DAB1: variants seen among roughly 807,000 people sequenced by gnomAD.
DAB1 encodes the protein DAB adaptor protein 1.
In DAB1, 15 loss-of-function variants were observed where a neutral mutation model predicts 64.6. The ratio of observed to expected loss-of-function variants is 0.23; its 90% CI spans 0.16 to 0.36. The LOEUF (loss-of-function observed/expected upper bound fraction) is 0.36. Ranked by LOEUF, DAB1 falls within the 10% of genes least tolerant of loss-of-function variation. The pLI is 1.00. For synonymous variants in DAB1, 235 were observed against 251.9 expected (o/e 0.93, Z 0.64); for missense variants, 596 against 706.7 (o/e 0.84, Z 1.78).
At chr1:57,703,007 C>A (rs184395393) in intron 6 of DAB1, among the ~76,000 whole-genome samples, 57 of 152,232 alleles carry the variant, frequency 3.7e-4, no homozygotes, top group African/African-American at 1.3e-3. Context: ...TGAAACTGGA[C>A]CTCTTCCTTA....
intron 4 of DAB1, among the ~76,000 whole-genome samples, chr1:58,206,971 T>A (rs1658313245): frequency 6.6e-6 from 1 of 152,150 alleles, no homozygotes; most frequent in Non-Finnish European, 1.5e-5. Context: ...ACACTTCTGC[T>A]CTCTCAGCAC....
At chr1:57,742,638 A>C (rs1648058220) in intron 6 of DAB1, among the ~76,000 whole-genome samples, 1 of 152,186 alleles carries the variant, frequency 6.6e-6, no homozygotes, top group South Asian at 2.1e-4. Context: ...CTCCTCCCCT[A>C]GCACAGACAA....
chr1:58,056,536 A>T, intron 5 of DAB1: 2 of 951,090 alleles, frequency 2.1e-6, no homozygotes, highest in Non-Finnish European at 3.4e-6. Flanking sequence ...GGGTTATGTC[A>T]CCTTGCTCAT....
At chr1:57,494,525 C>G (rs893411119) in intron 7 of DAB1, among the ~76,000 whole-genome samples, 4 of 152,220 alleles carry the variant, frequency 2.6e-5, no homozygotes, top group Non-Finnish European at 1.5e-5. Context: ...AACTGAGAAT[C>G]CCATTTGTGT....
chr1:57,661,039 T>C (rs1032334874), intron 6 of DAB1, among the ~76,000 whole-genome samples: 1 of 151,914 alleles, frequency 6.6e-6, no homozygotes, highest in African/African-American at 2.4e-5. Flanking sequence ...AGTAAAGAAA[T>C]AGAAAACAAT....
chr1:57,284,492 G>T (rs1372294295), intron 2 of DAB1, among the ~76,000 whole-genome samples: 1 of 152,158 alleles, frequency 6.6e-6, no homozygotes. Context: ...CCATTTGGTG[G>T]CTGAGAAAAG....
chr1:57,897,552 T>C (rs1193632937), intron 5 of DAB1, among the ~76,000 whole-genome samples: 2 of 152,188 alleles, frequency 1.3e-5, no homozygotes, highest in African/African-American at 4.8e-5. Context: ...GGAGACCTCA[T>C]ATATTTTAAG....
intron 7 of DAB1, among the ~76,000 whole-genome samples, chr1:57,618,119 C>G (rs1290978494): frequency 1.3e-5 from 2 of 152,056 alleles, no homozygotes; most frequent in Non-Finnish European, 2.9e-5. Context: ...GAATATCATA[C>G]TAAAGGAGAA....
At chr1:57,640,403 C>T (rs1434115446) in intron 7 of DAB1, among the ~76,000 whole-genome samples, 1 of 152,116 alleles carries the variant, frequency 6.6e-6, no homozygotes, top group African/African-American at 2.4e-5. Context: ...ACATATATAT[C>T]ACCCTTACTC....
At chr1:58,108,803 T>C (rs1651809212) in intron 5 of DAB1, among the ~76,000 whole-genome samples, 1 of 152,216 alleles carries the variant, frequency 6.6e-6, no homozygotes. Flanking sequence ...CCAAATAGTA[T>C]GGAATACTCC....
intron 1 of DAB1, among the ~76,000 whole-genome samples, chr1:57,418,331 C>G (rs1354682837): frequency 2.6e-5 from 4 of 152,052 alleles, no homozygotes; most frequent in Non-Finnish European, 4.4e-5. Context: ...GTGACAAAGG[C>G]AGATAGAAAC....
chr1:57,956,876 A>T (rs1645405254), intron 5 of DAB1, among the ~76,000 whole-genome samples: 1 of 152,216 alleles, frequency 6.6e-6, no homozygotes, highest in Non-Finnish European at 1.5e-5. Flanking sequence ...TTGGTGGAGT[A>T]GATGTGGAGA....
At chr1:57,683,497 C>G (rs1646660892) in intron 6 of DAB1, among the ~76,000 whole-genome samples, 1 of 152,202 alleles carries the variant, frequency 6.6e-6, no homozygotes, top group South Asian at 2.1e-4. Context: ...GCTTCACCTA[C>G]TGGATTGCAG....
chr1:57,014,054 A>C (rs531424195), intron 12 of DAB1, among the ~76,000 whole-genome samples: 1 of 152,318 alleles, frequency 6.6e-6, no homozygotes, highest in Admixed American at 6.5e-5. Context: ...AACACTTAAC[A>C]TGTGCTAATA....
At chr1:57,353,820 G>A (rs1345455136) in intron 1 of DAB1, among the ~76,000 whole-genome samples, 1 of 152,118 alleles carries the variant, frequency 6.6e-6, no homozygotes, top group Non-Finnish European at 1.5e-5. Context: ...GAGCCCCAGG[G>A]CCTTCAGCCA....
intron 7 of DAB1, among the ~76,000 whole-genome samples, chr1:57,577,163 T>C (rs1645260351): frequency 6.6e-6 from 1 of 152,146 alleles, no homozygotes; most frequent in Non-Finnish European, 1.5e-5. Flanking sequence ...TTGGTACCCA[T>C]TCAGATAATT....
At chr1:57,004,240 C>A (rs1487484449) in intron 14 of DAB1, among the ~76,000 whole-genome samples, 3 of 152,174 alleles carry the variant, frequency 2.0e-5, no homozygotes, top group Non-Finnish European at 1.5e-5. Flanking sequence ...AGCTCTTTGG[C>A]ATGAAGTATA....
At chr1:58,216,921 G>A (rs1658886414) in intron 4 of DAB1, among the ~76,000 whole-genome samples, 1 of 152,118 alleles carries the variant, frequency 6.6e-6, no homozygotes, top group Non-Finnish European at 1.5e-5. Context: ...AGGCTTGATG[G>A]CTTATAAAAC....
intron 3 of DAB1, among the ~76,000 whole-genome samples, chr1:58,430,538 T>C (rs1472705147): frequency 6.6e-6 from 1 of 152,138 alleles, no homozygotes; most frequent in East Asian, 1.9e-4. Context: ...CAGTGTAAAG[T>C]CAGGAGGCTC....
Sources: gnomAD v4.1 joint callset for allele counts (sites outside exome capture counted in the v4.1 genomes callset) on GRCh38, gnomAD v4.1.1 for gene constraint, MANE v1.5 for transcripts, NCBI Gene and HGNC (gene_info 2026-07-23, HGNC 2026-07-21) for gene names.